Variants in ZNF211 observed in about 807,000 individuals in gnomAD.
ZNF211 encodes zinc finger protein 211.
ZNF211 carries 18 observed loss-of-function variants against 12.1 expected under a neutral mutation model. The ratio of observed to expected loss-of-function variants is 1.48; its 90% CI spans 1.03 to 2.20. ZNF211 has a LOEUF of 2.20. Ranked by LOEUF, ZNF211 falls within the 30% of genes most tolerant of loss-of-function variation. The pLI, the probability that ZNF211 is intolerant of heterozygous loss-of-function variation, is 0.00. For missense variants in ZNF211, 677 were observed against 703.1 expected, an observed-to-expected ratio of 0.96 and a Z score of 0.42; for synonymous variants, 249 against 246.0, an observed-to-expected ratio of 1.01 and a Z score of -0.11.
chr19:57,642,367 C>G lies in ZNF211; in HGVS notation c.*186C>G. On this transcript the variant is annotated 3_prime_UTR_variant, in exon 4 of 4. Coordinates refer to ENST00000240731, the MANE Select transcript of ZNF211 (RefSeq NM_006385.5). ...TTTAGAAAGTGTTAGACTTTCTCAC[C>G]TGCCATTTATGGCTCTTGCCGTTTA... The G allele has an allele frequency of 1.5e-6, 1 of 655,822 alleles. No homozygotes were observed. The highest frequency in any genetic ancestry group is 2.5e-6 in the Non-Finnish European group (1 of 406,034). The allele number at this position is 655,822 out of a possible 1,614,324, so 40.6% of individuals were successfully genotyped here.
At chr19:57,637,404 G>A (rs1982276815) in intron 3 of ZNF211, among the ~76,000 whole-genome samples, 1 of 151,854 alleles carries the variant, frequency 6.6e-6, no homozygotes, top group African/African-American at 2.4e-5. Context: ...AATGCTTTCA[G>A]TGCATCAGCT....
rs1981902544 is a variant in ZNF211 at position 57,634,625 on chromosome 19, C to T, written c.130-4C>T. 1 of 1,576,278 alleles carries T rather than the reference C, an allele frequency of 6.3e-7. No individual in the cohort carries two copies. The highest frequency in any genetic ancestry group is 1.4e-5 in the African/African-American group (1 of 73,166). ...CATGGTTTCATCAATCCCTATTATG[C>T]TAGGGAAGTGTGACCTTTGAAGATG... On this transcript the variant is annotated splice_region_variant and splice_polypyrimidine_tract_variant and intron_variant, in intron 2 of 3. Transcript: ENST00000240731.
In ZNF211 at chr19:57,633,258, C is replaced by A; in HGVS notation, c.-89C>A. 2 of 1,264,868 alleles carry A rather than the reference C, an allele frequency of 1.6e-6. No individual in the cohort carries two copies. Among genetic ancestry groups the A allele is most frequent in the Non-Finnish European group, 2.1e-6 (2 of 943,998 alleles). The allele number at this position is 1,264,868 out of a possible 1,614,324, so 78.4% of individuals were successfully genotyped here. ...TGTCAGCCGCTTTGGTACGCTGCAT[C>A]GGGATCGAAGTGACGGACCGTGAAG... On this transcript the variant is annotated 5_prime_UTR_variant, in exon 1 of 4. Transcript: ENST00000240731.
chr19:57,638,000 G>A (rs917506339), intron 3 of ZNF211, among the ~76,000 whole-genome samples: 17 of 150,600 alleles, frequency 1.1e-4, no homozygotes, highest in African/African-American at 3.9e-4. Context: ...CTGGATTCAA[G>A]CAATTCTCCT....
chr19:57,641,054 A>G lies in ZNF211; in HGVS notation c.607A>G (p.Ile203Val), dbSNP rs764512766. Reference protein sequence around the residue: ...VSEKPFTCREIRKDFLANMRF... With the variant: ...VSEKPFTCREVRKDFLANMRF... ...GGAGAAACCCTTTACCTGCAGGGAG[A>G]TCAGGAAAGACTTCCTGGCCAACAT... Residue 203 changes from isoleucine to valine, a missense_variant, in exon 4 of 4, where the codon ATC becomes GTC. By Grantham distance (29) the Ile-to-Val change is conservative (BLOSUM62 3). Coordinates refer to ENST00000240731, the MANE Select transcript of ZNF211 (RefSeq NM_006385.5). 4.3e-5 allele frequency: 69 copies of G among 1,614,072 alleles called. 1 individual carries two copies. In the South Asian group the frequency reaches 6.9e-4, roughly 16 times the overall value.
intron 3 of ZNF211, among the ~76,000 whole-genome samples, chr19:57,638,098 C>T (rs564908189): frequency 3.3e-5 from 5 of 152,030 alleles, no homozygotes; most frequent in East Asian, 3.9e-4. Flanking sequence ...GGGGTTTCAC[C>T]ATGTTGGCCA....
Position 57,641,214 on chromosome 19 carries a change from C to T in ZNF211, c.767C>T (p.Thr256Ile), listed in dbSNP as rs1410554544. 3.1e-6 allele frequency: 5 copies of T among 1,614,204 alleles called. No individual in the cohort carries two copies. Among genetic ancestry groups the T allele is most frequent in the African/African-American group, 1.3e-5 (1 of 75,040 alleles). The change falls in exon 4 of 4, where the codon ACA becomes ATA. Residue 256 changes from threonine (T) to isoleucine (I), a missense_variant. Physicochemically the swap from Thr to Ile is moderately conservative, Grantham distance 89. Transcript: ENST00000240731. The part of the protein sequence containing the change: ...KCSKAFSHID[T>I]LVQDQRILTR... ...AGTAAAGCCTTTAGCCACATAGACA[C>T]ACTTGTTCAGGACCAGAGAATCCTC...
Position 57,640,842 on chromosome 19 carries a change from TGA to T in ZNF211, c.400_401del (p.Asp134TyrfsTer6). 1 of 1,614,230 alleles carries T rather than the reference TGA, an allele frequency of 6.2e-7. No individual in the cohort carries two copies. On this transcript the variant is annotated frameshift_variant, in exon 4 of 4. Coordinates refer to ENST00000240731, the MANE Select transcript of ZNF211 (RefSeq NM_006385.5). LOFTEE classifies it low-confidence loss of function (END_TRUNC). Reference sequence around the variant, plus strand: ...TCCTGTGAAATATGTTGCCTGGTCTTGAGAGATATTTTGCACTTGGCTGAACA... The same window carrying T: ...TCCTGTGAAATATGTTGCCTGGTCTTGAGATATTTTGCACTTGGCTGAACA...
Position 57,640,759 on chromosome 19 carries a change from A to T in ZNF211, c.312A>T (p.Gly104=). Residue 104 remains glycine (G), a synonymous_variant, in exon 4 of 4, where the codon GGA becomes GGT. Transcript: ENST00000240731. The part of the protein sequence containing the change: ...EETPSEQRIS[G]ERVPQFRTSK... ...CACCTTCTGAACAGAGAATTTCTGG[A>T]GAAAGAGTGCCACAGTTCAGGACTT... 6.2e-7 allele frequency: 1 copy of T among 1,614,230 alleles called. No individual in the cohort carries two copies. Among genetic ancestry groups the T allele is most frequent in the South Asian group, 1.1e-5 (1 of 91,084 alleles).
intron 3 of ZNF211, among the ~76,000 whole-genome samples, chr19:57,640,386 A>G (rs1173990327): frequency 6.6e-6 from 1 of 152,138 alleles, no homozygotes. Flanking sequence ...CTGGGCATAC[A>G]CTTCACAGCA....
At chr19:57,637,845 A>G (rs1982336911) in intron 3 of ZNF211, among the ~76,000 whole-genome samples, 1 of 151,648 alleles carries the variant, frequency 6.6e-6, no homozygotes, top group African/African-American at 2.4e-5. Context: ...AATGGTTGGT[A>G]GAATTCATCT....
chr19:57,633,206 G>T lies in ZNF211; in HGVS notation c.-141G>T, dbSNP rs959629128. The T allele has an allele frequency of 1.6e-5, 13 of 804,522 alleles. No homozygotes were observed. The highest frequency in any genetic ancestry group is 1.1e-4 in the Admixed American group (3 of 28,028). The allele number at this position is 804,522 out of a possible 1,614,324, so 49.8% of individuals were successfully genotyped here. A position where few individuals can be genotyped will look rare whatever the true frequency, so the allele number is the denominator to read the frequency against. The stretch of plus-strand genomic sequence containing the variant: ...TGGCGTCTTCGCAGCGGTCATTTTG[G>T]CTGCCCTCCCGGAGGTCCGTTCTGT... On this transcript the variant is annotated 5_prime_UTR_variant, in exon 1 of 4. Coordinates refer to ENST00000240731, the MANE Select transcript of ZNF211 (RefSeq NM_006385.5).
Position 57,642,121 on chromosome 19 carries a change from C to T in ZNF211, c.1674C>T (p.Ser558=), listed in dbSNP as rs138875681. Residue 558 remains serine, a synonymous_variant, in exon 4 of 4, where the codon TCC becomes TCT. Coordinates refer to ENST00000240731, the MANE Select transcript of ZNF211 (RefSeq NM_006385.5). ...RPYQCSQCGK[S]FGCKSVLIQH... is the part of the protein sequence containing the mutation. ...ATCAGTGCAGTCAATGTGGGAAATCCTTTGGCTGCAAATCTGTCCTCATTC... is the reference window on the plus strand; with the variant it reads ...ATCAGTGCAGTCAATGTGGGAAATCTTTTGGCTGCAAATCTGTCCTCATTC... 1.6e-4 allele frequency: 260 copies of T among 1,613,832 alleles called. No homozygotes were observed. Among genetic ancestry groups the T allele is most frequent in the Non-Finnish European group, 2.0e-4 (238 of 1,179,856 alleles).
chr19:57,640,584 A>T, intron 3 of ZNF211, 120 bp from the exon 4 acceptor site: 11 of 1,308,918 alleles, frequency 8.4e-6, no homozygotes, highest in Non-Finnish European at 1.1e-5. Flanking sequence ...CCCCCAACTC[A>T]CTTTTCCTAA....
chr19:57,636,898 A>G (rs193200708), intron 3 of ZNF211, among the ~76,000 whole-genome samples: 272 of 152,288 alleles, frequency 1.8e-3, no homozygotes, highest in Non-Finnish European at 3.0e-3. Context: ...AAAATTTTGT[A>G]GTTTCTAGTG....
chr19:57,641,068 C>G lies in ZNF211; in HGVS notation c.621C>G (p.Phe207Leu). The G allele has an allele frequency of 6.2e-7, 1 of 1,614,168 alleles. No homozygotes were observed. The highest frequency in any genetic ancestry group is 8.5e-7 in the Non-Finnish European group (1 of 1,180,024). ...PFTCREIRKD[F>L]LANMRFLHQD... ...CCTGCAGGGAGATCAGGAAAGACTT[C>G]CTGGCCAACATGAGGTTTCTCCATC... Residue 207 changes from phenylalanine (F) to leucine (L), a missense_variant, in exon 4 of 4, where the codon TTC becomes TTG. By Grantham distance (22) the Phe-to-Leu change is conservative. Transcript: ENST00000240731.
In ZNF211 at chr19:57,633,354, G is replaced by T. The variant is rs779137984; in HGVS notation, c.8G>T (p.Gly3Val). ML[G>V]FPPGRPQLPV... Reference sequence around the variant, plus strand: ...GCCGGCCTGGGGATAGCGATGCTCGGGTTCCCCCCGGGTCGCCCGCAGCTC... The same window carrying T: ...GCCGGCCTGGGGATAGCGATGCTCGTGTTCCCCCCGGGTCGCCCGCAGCTC... Residue 3 changes from glycine to valine, a missense_variant, in exon 1 of 4, where the codon GGG (glycine) becomes GTG (valine). Coordinates refer to ENST00000240731, the MANE Select transcript of ZNF211 (RefSeq NM_006385.5). The T allele has an allele frequency of 1.1e-5, 18 of 1,592,608 alleles. No homozygotes were observed. The highest frequency in any genetic ancestry group is 1.4e-5 in the Non-Finnish European group (17 of 1,172,968).
rs982079241 is a variant in ZNF211 at position 57,642,973 on chromosome 19, T to G, written c.*792T>G. Among the ~76,000 whole-genome samples the G allele has an allele frequency of 6.6e-6, 1 of 152,196 alleles. No individual in the cohort carries two copies. Among genetic ancestry groups the G allele is most frequent in the Non-Finnish European group, 1.5e-5 (1 of 68,046 alleles). On this transcript the variant is annotated 3_prime_UTR_variant, in exon 4 of 4. Transcript: ENST00000240731. ...TTGCCCAAGGCCTTCTAGGAAATACTGCAGGATATTATGGTCTTAATTCGT... is the reference window on the plus strand; with the variant it reads ...TTGCCCAAGGCCTTCTAGGAAATACGGCAGGATATTATGGTCTTAATTCGT...
At chr19:57,640,432 C>T (rs1000702944) in intron 3 of ZNF211, among the ~76,000 whole-genome samples, 1 of 152,208 alleles carries the variant, frequency 6.6e-6, no homozygotes, top group African/African-American at 2.4e-5. Flanking sequence ...CCACTAAAAG[C>T]TATTATCAGA....
Sources: allele counts gnomAD v4.1 joint callset (sites outside exome capture counted in the v4.1 genomes callset), GRCh38; gene constraint gnomAD v4.1.1; transcripts MANE v1.5; gene names NCBI Gene and HGNC (gene_info 2026-07-23, HGNC 2026-07-21).